The following H2BC18 variants were observed in gnomAD, a reference collection of about 807,000 sequenced individuals.
H2BC18 encodes the protein H2B clustered histone 18.
In H2BC18, 8 loss-of-function variants were observed where a neutral mutation model predicts 6.3. The ratio of observed to expected loss-of-function variants is 1.28; its 90% CI spans 0.75 to 2.31. H2BC18 has a LOEUF of 2.31. Ranked by LOEUF, H2BC18 falls within the 30% of genes most tolerant of loss-of-function variation. The pLI is 0.00. For missense variants in H2BC18, 106 were observed against 174.5 expected (o/e 0.61, Z 2.21); for synonymous variants, 104 against 78.1 (o/e 1.33, Z -1.75).
At chr1:149,785,276 G>C (rs2102031132) in intron 1 of H2BC18, among the ~76,000 whole-genome samples, 1 of 152,216 alleles carries the variant, frequency 6.6e-6, no homozygotes, top group East Asian at 1.9e-4. Flanking sequence ...GTTGCTGTTA[G>C]AGGAAATGTG....
chr1:149,806,115 C>G (rs2091914617), intron 1 of H2BC18, among the ~76,000 whole-genome samples: 1 of 151,740 alleles, frequency 6.6e-6, no homozygotes, highest in Non-Finnish European at 1.5e-5. Flanking sequence ...TCATTGGCCC[C>G]AAACTTTGGA....
intron 1 of H2BC18, chr1:149,792,631 G>A: frequency 2.4e-6 from 3 of 1,263,356 alleles, no homozygotes; most frequent in Non-Finnish European, 3.1e-6. Context: ...GGCCGCATGT[G>A]CATATTGCAG....
Position 149,784,147 on chromosome 1 carries a change from C to T in H2BC18, c.378-887G>A, listed in dbSNP as rs144081076. On this transcript the variant is annotated intron_variant, in intron 1 of 1. Transcript: ENST00000545683. ...CTCAATGGCACAGCCACTCAGACCT[C>T]GACCCCCAGCTACAGAATCACCTCT... 9.4e-4 allele frequency: 1,521 copies of T among 1,611,690 alleles called. 10 individuals are homozygous for T. In the East Asian group the frequency reaches 0.013, roughly 14 times the overall value.
intron 1 of H2BC18, among the ~76,000 whole-genome samples, chr1:149,789,753 T>C (rs3005603): frequency 6.6e-6 from 1 of 152,178 alleles, no homozygotes; most frequent in South Asian, 2.1e-4. Flanking sequence ...CTTCCAAAAC[T>C]GTCCCCACTT....
downstream of H2BC18, among the ~76,000 whole-genome samples, chr1:149,809,155 A>C (rs1452214616): frequency 8.4e-6 from 1 of 119,048 alleles, no homozygotes; most frequent in Non-Finnish European, 1.8e-5. Context: ...CTGATATTTA[A>C]AGCCCCTTAT....
intron 1 of H2BC18, among the ~76,000 whole-genome samples, chr1:149,802,285 T>C (rs2091880210): frequency 6.6e-6 from 1 of 152,232 alleles, no homozygotes; most frequent in Non-Finnish European, 1.5e-5. Context: ...AGGGAGAAGA[T>C]TGAAGAAACC....
intron 1 of H2BC18, among the ~76,000 whole-genome samples, chr1:149,784,700 CTATATATATA>C (rs34346480): frequency 2.1e-5 from 3 of 146,222 alleles, no homozygotes; most frequent in Admixed American, 6.9e-5. Context: ...TATATATAAA[CTATATATATA>C]TATATATATA....
chr1:149,812,222 G>C lies in H2BC18; in HGVS notation c.102C>G (p.Arg34=). The change falls in exon 1 of 1, where the codon CGC becomes CGG. Residue 34 remains arginine (R), a synonymous_variant. Coordinates refer to ENST00000369167, the MANE Select transcript of H2BC18 (RefSeq NM_001024599.5). ...ACACGTAAACGGAGTAGCTCTCCTT[G>C]CGGCTGCGCTTGCGCTTCTTGCCGT... ...KKDGKKRKRS[R]KESYSVYVYK... is the part of the protein sequence containing the mutation. 1.2e-6 allele frequency: 2 copies of C among 1,614,282 alleles called. No individual in the cohort carries two copies. Among genetic ancestry groups the C allele is most frequent in the Non-Finnish European group, 1.7e-6 (2 of 1,180,048 alleles).
Position 149,792,603 on chromosome 1 carries a change from C to T in H2BC18, c.378-9343G>A, listed in dbSNP as rs1262547844. On this transcript the variant is annotated intron_variant, in intron 1 of 1. Coordinates refer to the H2BC18 transcript ENST00000545683. ...CGCTCCGAGCGTGTCCCGCGGCGGG[C>T]CCCTGGCGCCACACTGTGGCCGCAT... 3.1e-5 allele frequency: 37 copies of T among 1,208,512 alleles called. 1 individual carries two copies. Among genetic ancestry groups the T allele is most frequent in the Non-Finnish European group, 3.7e-5 (35 of 952,810 alleles). The allele number at this position is 1,208,512 out of a possible 1,614,324, so 74.9% of individuals were successfully genotyped here. A position where few individuals can be genotyped will look rare whatever the true frequency, so the allele number is the denominator to read the frequency against.
intron 1 of H2BC18, chr1:149,794,173 T>A (rs2091773252): frequency 2.8e-6 from 1 of 352,804 alleles, no homozygotes; most frequent in Non-Finnish European, 5.6e-6. Context: ...ATGGTAACAG[T>A]GGAGCTATTG....
intron 1 of H2BC18, among the ~76,000 whole-genome samples, chr1:149,799,479 T>C (rs2091838474): frequency 6.6e-6 from 1 of 151,800 alleles, no homozygotes; most frequent in Non-Finnish European, 1.5e-5. Flanking sequence ...TCCTGTGAAA[T>C]ATCCTCCTTT....
chr1:149,811,353 G>T (rs1242965157), downstream of H2BC18: 1 of 158,484 alleles, frequency 6.3e-6, no homozygotes, highest in African/African-American at 2.4e-5. Flanking sequence ...ATATCTCCCT[G>T]TTTGAAGTCA....
rs6658340 is a variant in H2BC18, at chr1:149,792,644, T to C, written c.378-9384A>G. 3,179 of 1,272,378 alleles carry C rather than the reference T, an allele frequency of 2.5e-3. 240 individuals are homozygous for C. The African/African-American group carries it at 0.032, about 13-fold the overall frequency. 78.8% of individuals were successfully genotyped at this position (1,272,378 alleles called of 1,614,324 possible). The stretch of plus-strand genomic sequence containing the variant: ...GTGGCCGCATGTGCATATTGCAGCC[T>C]CCGCCTGTATCTGGGGGCCGCAGCC... On this transcript the variant is annotated intron_variant, in intron 1 of 1. Coordinates refer to the H2BC18 transcript ENST00000545683.
chr1:149,807,821 A>AAG (rs587706663), downstream of H2BC18, among the ~76,000 whole-genome samples: 61 of 133,238 alleles, frequency 4.6e-4, no homozygotes, highest in Admixed American at 9.9e-4. Context: ...AGAAGAAAGA[A>AAG]AGAGAGAGAG....
chr1:149,810,198 T>C (rs1458890500), downstream of H2BC18, among the ~76,000 whole-genome samples: 3 of 152,274 alleles, frequency 2.0e-5, no homozygotes, highest in East Asian at 1.9e-4. Flanking sequence ...AATTCTCTTA[T>C]GGCCCAACTG....
At chr1:149,802,679 A>C (rs2091884293) in intron 1 of H2BC18, among the ~76,000 whole-genome samples, 1 of 152,222 alleles carries the variant, frequency 6.6e-6, no homozygotes, top group South Asian at 2.1e-4. Flanking sequence ...GTTCAGTCTG[A>C]GTCCAAAAGC....
At chr1:149,805,216 T>C (rs1325448895) in intron 1 of H2BC18, 1 of 152,010 alleles carries the variant, frequency 6.6e-6, no homozygotes, top group Non-Finnish European at 1.5e-5. Flanking sequence ...CAGCAATCAG[T>C]GATATTGAAC....
chr1:149,801,104 A>G (rs1485548750), intron 1 of H2BC18, among the ~76,000 whole-genome samples: 5 of 152,010 alleles, frequency 3.3e-5, no homozygotes, highest in Non-Finnish European at 5.9e-5. Flanking sequence ...AAATAAAAAG[A>G]CTTCAGTCAC....
intron 1 of H2BC18, chr1:149,793,858 C>T (rs1188251490): frequency 1.2e-4 from 153 of 1,272,464 alleles, no homozygotes; most frequent in Non-Finnish European, 1.5e-4. Flanking sequence ...CCAAAGCAGA[C>T]CAACCGGTTT....
Sources: allele counts gnomAD v4.1 joint callset (sites outside exome capture counted in the v4.1 genomes callset), GRCh38; gene constraint gnomAD v4.1.1; transcripts MANE v1.5; gene names NCBI Gene and HGNC (gene_info 2026-07-23, HGNC 2026-07-21).